The following FLII variants were observed in gnomAD, a reference collection of about 807,000 sequenced individuals.
The protein encoded by FLII is FLII actin remodeling protein.
Under a neutral mutation model 156.2 loss-of-function variants are expected in FLII, and 101 were observed. The observed-to-expected ratio is 0.65, with a 90% CI of 0.55 to 0.76. FLII has a LOEUF of 0.76. FLII is among the 30% of genes least tolerant of loss of function. The pLI is 0.00. For synonymous variants in FLII, 767 were observed against 685.8 expected (o/e 1.12, Z -1.85); for missense variants, 1,675 against 1,682.8 (o/e 1.00, Z 0.08).
chr17:18,255,102 A>G, intron 4 of FLII, 81 bp downstream of exon 4: 2 of 1,168,398 alleles, frequency 1.7e-6, no homozygotes, highest in Admixed American at 1.7e-5. Context: ...TGGGATAACA[A>G]TGGCCCCAGG....
rs1251351404 is a variant in FLII at position 18,247,026 on chromosome 17, G to A, written c.2703C>T (p.Asn901=). The A allele has an allele frequency of 2.5e-6, 4 of 1,613,580 alleles. No individual in the cohort carries two copies. The South Asian group carries it at 4.4e-5, about 18-fold the overall frequency. The part of the protein sequence containing the change: ...AEAEQLMEEW[N]EDLDGMEGFV... The stretch of plus-strand genomic sequence containing the variant: ...AACCCTCCATGCCGTCTAGGTCTTC[G>A]TTCCACTCCTCCATCAGCTGCTCCG... Residue 901 remains asparagine (N), a synonymous_variant, in exon 22 of 30, where the codon AAC becomes AAT. Transcript: ENST00000327031.
At position 18,251,725 on chromosome 17, in the gene FLII, C is replaced by T. The variant is rs2048274693; in HGVS notation, c.1338G>A (p.Leu446=). ...SAQDDQAKQV[L]KGMSDVAQEK... is the part of the protein sequence containing the mutation. ...CCTGGGCAACATCTGACATGCCCTTCAGCACCTGCTTGGCCTGGTCATCCT... is the reference window on the plus strand; with the variant it reads ...CCTGGGCAACATCTGACATGCCCTTTAGCACCTGCTTGGCCTGGTCATCCT... Residue 446 remains leucine, a synonymous_variant, in exon 12 of 30, where the codon CTG becomes CTA. Coordinates refer to ENST00000327031, the MANE Select transcript of FLII (RefSeq NM_002018.4). 6.2e-6 allele frequency: 10 copies of T among 1,613,994 alleles called. No homozygotes were observed. Among genetic ancestry groups the T allele is most frequent in the South Asian group, 3.3e-5 (3 of 91,096 alleles).
At chr17:18,254,001 G>A in intron 7 of FLII, 78 bp downstream of exon 7, 2 of 1,143,712 alleles carry the variant, frequency 1.7e-6, no homozygotes, top group East Asian at 5.0e-5. Context: ...GAAGAGCAGG[G>A]TTCAACCCCT....
At chr17:18,253,748 G>T in intron 7 of FLII, 29 bp from the exon 8 acceptor site, 1 of 1,567,100 alleles carries the variant, frequency 6.4e-7, no homozygotes. Flanking sequence ...TGCATCAGCT[G>T]GGGCCCATAC....
Position 18,251,980 on chromosome 17 carries a change from C to T in FLII, c.1246+19G>A. The T allele has an allele frequency of 6.2e-7, 1 of 1,611,278 alleles. No individual in the cohort carries two copies. The highest frequency in any genetic ancestry group is 8.5e-7 in the Non-Finnish European group (1 of 1,178,482). On this transcript the variant is annotated intron_variant, in intron 11 of 29. Transcript: ENST00000327031. ...TGGAGAGGAGCCCCCGTTCCCAGGCCAGACCTTTCCCCACTCACCAGCTGC... is the reference window on the plus strand; with the variant it reads ...TGGAGAGGAGCCCCCGTTCCCAGGCTAGACCTTTCCCCACTCACCAGCTGC...
Position 18,247,837 on chromosome 17 carries a change from C to G in FLII, c.2307G>C (p.Leu769=), listed in dbSNP as rs746099038. The change falls in exon 20 of 30, where the codon CTG becomes CTC. Residue 769 remains leucine (L), a synonymous_variant. Transcript: ENST00000327031. ...LMPRMRLLQS[L]LDTRCVYILD... ...GAATGTACACGCAGCGCGTGTCCAG[C>G]AGACTCTGCAGCTGCGGACCGGGAG... is the stretch of plus-strand genomic sequence containing the variant. 6.2e-7 allele frequency: 1 copy of G among 1,613,816 alleles called. No individual in the cohort carries two copies. Among genetic ancestry groups the G allele is most frequent in the Non-Finnish European group, 8.5e-7 (1 of 1,179,988 alleles).
intron 3 of FLII, 140 bp from the exon 4 acceptor site, chr17:18,255,403 G>T: frequency 1.5e-6 from 1 of 672,656 alleles, no homozygotes; most frequent in Non-Finnish European, 2.6e-6. Context: ...TGATCAAATA[G>T]CTCCCTCTCC....
In FLII at chr17:18,244,971, G is replaced by GGGCACCTGTCA; in HGVS notation, c.*156_*166dup. 2 of 732,008 alleles carry GGGCACCTGTCA rather than the reference G, an allele frequency of 2.7e-6. No individual in the cohort carries two copies. The highest frequency in any genetic ancestry group is 4.8e-5 in the Admixed American group (2 of 41,738). 45.3% of individuals were successfully genotyped at this position (732,008 alleles called of 1,614,324 possible). On this transcript the variant is annotated 3_prime_UTR_variant, in exon 30 of 30. Coordinates refer to ENST00000327031, the MANE Select transcript of FLII (RefSeq NM_002018.4). ...AGAGTTGGATTTCCCAGACCCCTGA[G>GGGCACCTGTCA]GGCACCTGTCAGGGTCATCCCCATT...
Position 18,246,470 on chromosome 17 carries a change from T to C in FLII, c.3052-8A>G. ...CTGCGTCATGCGTACCACCTGGGGA[T>C]GTGGAAGTGTTAGGGGCAGCTCCCT... On this transcript the variant is annotated splice_region_variant and splice_polypyrimidine_tract_variant and intron_variant, in intron 23 of 29. Transcript: ENST00000327031. 6.2e-7 allele frequency: 1 copy of C among 1,613,716 alleles called. No homozygotes were observed. The highest frequency in any genetic ancestry group is 8.5e-7 in the Non-Finnish European group (1 of 1,179,964).
intron 23 of FLII, 38 bp downstream of exon 23, chr17:18,246,546 ACCACACCCCT>A (rs1338967046): frequency 3.7e-6 from 6 of 1,611,592 alleles, no homozygotes; most frequent in Non-Finnish European, 5.1e-6. Flanking sequence ...TCTGAGCCCC[ACCACACCCCT>A]CCGCCTGGCC....
chr17:18,249,227 G>C, intron 15 of FLII, 26 bp from the exon 16 acceptor site: 2 of 1,613,746 alleles, frequency 1.2e-6, no homozygotes, highest in Non-Finnish European at 1.7e-6. Flanking sequence ...GAGTGGCTCA[G>C]TGTAGGCACC....
chr17:18,246,159 CA>C lies in FLII; in HGVS notation c.3267+2del. On this transcript the variant is annotated splice_donor_variant, in intron 25 of 29. Coordinates refer to ENST00000327031, the MANE Select transcript of FLII (RefSeq NM_002018.4). LOFTEE classifies it high-confidence loss of function. ...GAGTCCTGGCTCACACCCACAACCC[CA>C]CCTTGAGGATGAAGCAGAACTCGGA... 1 of 1,614,184 alleles carries C rather than the reference CA, an allele frequency of 6.2e-7. No individual in the cohort carries two copies. The highest frequency in any genetic ancestry group is 8.5e-7 in the Non-Finnish European group (1 of 1,180,036).
chr17:18,253,304 C>G lies in FLII; in HGVS notation c.1010G>C (p.Cys337Ser). ...NNLELVPESL[C>S]RCPKLRKLVL... ...TAGCCCCAGCCCTGCCCAGCACCTG[C>G]AGAGACTTTCAGGGACCAGCTCCAG... Residue 337 changes from cysteine to serine, a missense_variant, in exon 9 of 30, where the codon TGC becomes TCC. Around this residue, in one of 2 missense-constraint regions of FLII, gnomAD observed 1,332 missense variants for 1,269.3 expected, o/e 1.05. Transcript: ENST00000327031. 1 of 1,613,852 alleles carries G rather than the reference C, an allele frequency of 6.2e-7. No homozygotes were observed. The highest frequency in any genetic ancestry group is 8.5e-7 in the Non-Finnish European group (1 of 1,180,022).
At chr17:18,256,738 C>A (rs978867801) in intron 2 of FLII, 141 bp from the exon 3 acceptor site, 1 of 825,932 alleles carries the variant, frequency 1.2e-6, no homozygotes, top group Non-Finnish European at 2.0e-6. Context: ...CCCTCACTCA[C>A]CCGGCCTCTT....
chr17:18,247,900 G>T (rs1272111923), intron 19 of FLII, 29 bp downstream of exon 19: 1 of 1,612,552 alleles, frequency 6.2e-7, no homozygotes, highest in Non-Finnish European at 8.5e-7. Context: ...GAGGGATCTG[G>T]CCCCACGCCC....
At position 18,249,365 on chromosome 17, in the gene FLII, C is replaced by T. The variant is rs746875553; in HGVS notation, c.1820G>A (p.Ser607Asn). The part of the protein sequence containing the change: ...DISYIEGGTA[S>N]GFYTVEDTHY... ...TGTGTCTTCCACAGTGTAGAAGCCA[C>T]TGGCTGTTCCACCCTCAATGTAGGA... The change falls in exon 15 of 30, where the codon AGT becomes AAT. Residue 607 changes from serine to asparagine, a missense_variant. Physicochemically the swap from Ser to Asn is conservative, Grantham distance 46. Coordinates refer to ENST00000327031, the MANE Select transcript of FLII (RefSeq NM_002018.4). The T allele has an allele frequency of 6.2e-7, 1 of 1,614,182 alleles. No homozygotes were observed. Among genetic ancestry groups the T allele is most frequent in the Admixed American group, 1.7e-5 (1 of 60,026 alleles).
Position 18,254,101 on chromosome 17 carries a change from C to T in FLII, c.657G>A (p.Leu219=). Residue 219 remains leucine, a synonymous_variant, in exon 7 of 30, where the codon CTG becomes CTA. Transcript: ENST00000327031. ...GACCTGCGAGGTTGCTCAGACCCTC[C>T]AGGCTGGTGGGCAGGTTGCTCTGGG... ...QRTQSNLPTS[L]EGLSNLADVD... is the part of the protein sequence containing the mutation. 7.4e-6 allele frequency: 12 copies of T among 1,610,906 alleles called. No individual in the cohort carries two copies. Among genetic ancestry groups the T allele is most frequent in the Non-Finnish European group, 1.0e-5 (12 of 1,178,310 alleles).
At chr17:18,247,117 C>CGGGCGGGGGGGGGGGGGG in intron 21 of FLII, 52 bp downstream of exon 21, 7 of 1,455,034 alleles carry the variant, frequency 4.8e-6, no homozygotes, top group South Asian at 1.3e-5. Context: ...GCCCCGCCCT[C>CGGGCGGGGGGGGGGGGGG]GGCCTGCCCC....
chr17:18,258,338 G>T lies in FLII; in HGVS notation c.63+290C>A. 1.4e-6 allele frequency: 1 copy of T among 711,170 alleles called. No individual in the cohort carries two copies. The highest frequency in any genetic ancestry group is 2.2e-6 in the Non-Finnish European group (1 of 445,580). The allele number at this position is 711,170 out of a possible 1,614,324, so 44.1% of individuals were successfully genotyped here. On this transcript the variant is annotated intron_variant, in intron 1 of 29. Transcript: ENST00000327031. The surrounding 1 kb of genome is among the most constrained non-coding windows in gnomAD (Gnocchi z 4.2). ...CGCCCGATCCCCAGGCCACCATCCA[G>T]CCTAGACCGAGAACACGGACGCGGG... is the stretch of plus-strand genomic sequence containing the variant.
Sources: allele counts gnomAD v4.1 joint callset, GRCh38; gene constraint gnomAD v4.1.1; regional missense constraint gnomAD v4.1.1; non-coding constraint Gnocchi (gnomAD v3.1); transcripts MANE v1.5; gene names NCBI Gene and HGNC (gene_info 2026-07-23, HGNC 2026-07-21).